The following SMAP1 variants were observed in gnomAD, a reference collection of about 807,000 sequenced individuals.
SMAP1 encodes the protein small ArfGAP 1.
In SMAP1, 24 loss-of-function variants were observed where a neutral mutation model predicts 58.5. The observed-to-expected ratio is 0.41, with a 90% CI of 0.30 to 0.58. SMAP1 has a LOEUF of 0.58. SMAP1 is among the 20% of genes least tolerant of loss of function. The pLI, the probability that SMAP1 is intolerant of heterozygous loss-of-function variation, is 0.29. For missense variants in SMAP1, 563 were observed against 566.3 expected, an observed-to-expected ratio of 0.99 and a Z score of 0.06; for synonymous variants, 216 against 196.6, an observed-to-expected ratio of 1.10 and a Z score of -0.82.
chr6:70,668,471 G>T (rs979305345), intron 1 of SMAP1: 6 of 1,426,324 alleles, frequency 4.2e-6, no homozygotes, highest in African/African-American at 2.9e-5. Context: ...GCGGAACCGG[G>T]CACGGGTCTG....
At chr6:70,725,124 T>G (rs1431209526) in intron 1 of SMAP1, among the ~76,000 whole-genome samples, 1 of 118,338 alleles carries the variant, frequency 8.5e-6, no homozygotes, top group Non-Finnish European at 1.8e-5. Flanking sequence ...TTTTTTTTTT[T>G]TTTTTTTTTT....
At chr6:70,759,111 T>C (rs1766640685) in intron 3 of SMAP1, among the ~76,000 whole-genome samples, 1 of 152,098 alleles carries the variant, frequency 6.6e-6, no homozygotes, top group South Asian at 2.1e-4. Context: ...CAGATTTTAT[T>C]GAGAATCCTG....
chr6:70,691,899 G>A (rs1268276014), intron 1 of SMAP1, among the ~76,000 whole-genome samples: 1 of 152,140 alleles, frequency 6.6e-6, no homozygotes, highest in Admixed American at 6.5e-5. Flanking sequence ...GTTGGCTATT[G>A]TGAATAGTGC....
intron 1 of SMAP1, among the ~76,000 whole-genome samples, chr6:70,713,097 A>AT (rs1375418167): frequency 2.6e-5 from 4 of 151,946 alleles, no homozygotes; most frequent in Non-Finnish European, 5.9e-5. Context: ...CCATCCTGTG[A>AT]TTTTTTTATA....
intron 1 of SMAP1, among the ~76,000 whole-genome samples, chr6:70,731,737 T>G (rs990210185): frequency 2.0e-5 from 3 of 152,382 alleles, no homozygotes; most frequent in Admixed American, 6.5e-5. Flanking sequence ...GATGCAACGC[T>G]TTTTGAAGCA....
intron 6 of SMAP1, among the ~76,000 whole-genome samples, chr6:70,831,808 G>A (rs1426626750): frequency 6.6e-6 from 1 of 152,150 alleles, no homozygotes; most frequent in African/African-American, 2.4e-5. Flanking sequence ...GGGTCAAATG[G>A]TAATTCCATT....
chr6:70,770,440 G>T (rs1208863700), intron 3 of SMAP1, among the ~76,000 whole-genome samples: 1 of 152,146 alleles, frequency 6.6e-6, no homozygotes, highest in African/African-American at 2.4e-5. Context: ...TGGAGACTTT[G>T]TTCGTTTCTT....
rs142362857 is a variant in SMAP1, at chr6:70,680,440, C to G, written c.118+12299C>G. On this transcript the variant is annotated intron_variant, in intron 1 of 10. Coordinates refer to ENST00000370455, the MANE Select transcript of SMAP1 (RefSeq NM_001044305.3). ...TGGTAAGGACCTTTATTCAGAATAT[C>G]TAAAGAAATAATGCAACTTAATAAT... Among the ~76,000 whole-genome samples, 578 of 152,198 alleles carry G rather than the reference C, an allele frequency of 3.8e-3. 1 individual carries two copies. Among genetic ancestry groups the G allele is most frequent in the Non-Finnish European group, 4.2e-3 (287 of 68,010 alleles).
At chr6:70,811,465 T>G (rs1014940307) in intron 6 of SMAP1, among the ~76,000 whole-genome samples, 2 of 152,124 alleles carry the variant, frequency 1.3e-5, no homozygotes, top group African/African-American at 4.8e-5. Flanking sequence ...AAAACCTGCC[T>G]GTTACGCGAT....
At position 70,751,157 on chromosome 6, in the gene SMAP1, T is replaced by C. The variant is rs529180418; in HGVS notation, c.253-3823T>C. On this transcript the variant is annotated intron_variant, in intron 2 of 10. Transcript: ENST00000370455. ...TGGGAGGCTGAGGCAGGAGAATCAC[T>C]TGAACCTGGGAGATGGAGGTTGCAG... Among the ~76,000 whole-genome samples the C allele has an allele frequency of 6.6e-5, 10 of 152,200 alleles. No homozygotes were observed. The South Asian group carries it at 1.9e-3, about 28-fold the overall frequency.
chr6:70,688,129 G>GT (rs1305620776), intron 1 of SMAP1, among the ~76,000 whole-genome samples: 1 of 152,150 alleles, frequency 6.6e-6, no homozygotes, highest in East Asian at 1.9e-4. Flanking sequence ...TTTTGCGTCT[G>GT]TTAATAGTTC....
chr6:70,769,758 A>T (rs1177304423), intron 3 of SMAP1, among the ~76,000 whole-genome samples: 4 of 152,080 alleles, frequency 2.6e-5, no homozygotes. Context: ...TTACATTTAA[A>T]GTTAATATTG....
chr6:70,709,452 C>T (rs1476469124), intron 1 of SMAP1, among the ~76,000 whole-genome samples: 1 of 152,114 alleles, frequency 6.6e-6, no homozygotes, highest in Admixed American at 6.5e-5. Flanking sequence ...ATCCTCCCAC[C>T]TGAGCCTGCG....
At chr6:70,692,095 T>A (rs930747757) in intron 1 of SMAP1, among the ~76,000 whole-genome samples, 3 of 152,194 alleles carry the variant, frequency 2.0e-5, no homozygotes, top group Non-Finnish European at 4.4e-5. Flanking sequence ...ATGCCAGCAT[T>A]TGTTATTTTC....
At chr6:70,742,367 A>G (rs1411665485) in intron 2 of SMAP1, among the ~76,000 whole-genome samples, 4 of 152,152 alleles carry the variant, frequency 2.6e-5, no homozygotes, top group Admixed American at 6.5e-5. Flanking sequence ...TTCAAGTTCA[A>G]AGATTTACAA....
chr6:70,753,026 A>G (rs1313208260), intron 2 of SMAP1, among the ~76,000 whole-genome samples: 2 of 152,102 alleles, frequency 1.3e-5, no homozygotes, highest in Non-Finnish European at 2.9e-5. Flanking sequence ...GGTATAATGT[A>G]CATATCTGCC....
At chr6:70,718,366 A>G (rs1768362647) in intron 1 of SMAP1, among the ~76,000 whole-genome samples, 1 of 152,178 alleles carries the variant, frequency 6.6e-6, no homozygotes, top group African/African-American at 2.4e-5. Context: ...GAAAGAGAGG[A>G]GCAAGAATGA....
At chr6:70,700,930 G>A (rs528605155) in intron 1 of SMAP1, among the ~76,000 whole-genome samples, 22 of 152,322 alleles carry the variant, frequency 1.4e-4, no homozygotes, top group Admixed American at 3.3e-4. Context: ...ATTGTCATCG[G>A]GGAGCTAGGT....
intron 1 of SMAP1, among the ~76,000 whole-genome samples, chr6:70,671,440 G>A (rs1419678505): frequency 6.6e-6 from 1 of 152,148 alleles, no homozygotes; most frequent in Admixed American, 6.5e-5. Context: ...AGGCATGGTG[G>A]CAGGCACCTG....
Sources: allele counts gnomAD v4.1 joint callset (sites outside exome capture counted in the v4.1 genomes callset), GRCh38; gene constraint gnomAD v4.1.1; transcripts MANE v1.5; gene names NCBI Gene and HGNC (gene_info 2026-07-23, HGNC 2026-07-21).